ARL5A: variants seen among roughly 807,000 people sequenced by gnomAD.
ARL5A encodes the protein ARF like GTPase 5A, also known as ADP-ribosylation factor-like protein 5A.
In ARL5A, 18 loss-of-function variants were observed where a neutral mutation model predicts 25.9. That is an observed-to-expected ratio of 0.69 (90% CI 0.48 to 1.03). ARL5A has a LOEUF of 1.03. Among genes scored for constraint, ARL5A ranks in the 50% least tolerant of loss-of-function variants. The pLI is 0.00. For missense variants in ARL5A, 170 were observed against 211.9 expected, an observed-to-expected ratio of 0.80 and a Z score of 1.23; for synonymous variants, 61 against 67.5, an observed-to-expected ratio of 0.90 and a Z score of 0.47.
intron 3 of ARL5A, 136 bp from the exon 4 acceptor site, chr2:151,812,576 C>T (rs2099830975): frequency 1.9e-6 from 1 of 520,408 alleles, no homozygotes. Flanking sequence ...ATCAGAGCTA[C>T]CTATACATTG....
rs1364551535 is a variant in ARL5A, at chr2:151,828,166, A to G, written c.11T>C (p.Leu4Pro). 6.2e-7 allele frequency: 1 copy of G among 1,602,038 alleles called. No homozygotes were observed. Among genetic ancestry groups the G allele is most frequent in the Admixed American group, 1.7e-5 (1 of 58,610 alleles). ...GAACAGTCTCCATATTCTAGTGAAG[A>G]GAATTCCCATTCTCGGGCAGCGGAC... is the stretch of plus-strand genomic sequence containing the variant. MGI[L>P]FTRIWRLFNH... Residue 4 changes from leucine (L) to proline (P), a missense_variant, in exon 1 of 6, where the codon CTC (leucine) becomes CCC (proline). By Grantham distance (98) the Leu-to-Pro change is moderately conservative. Coordinates refer to ENST00000295087, the MANE Select transcript of ARL5A (RefSeq NM_012097.4).
rs144480206 is a variant in ARL5A at position 151,826,776 on chromosome 2, G to A, written c.46+1355C>T. On this transcript the variant is annotated intron_variant, in intron 1 of 5. Coordinates refer to ENST00000295087, the MANE Select transcript of ARL5A (RefSeq NM_012097.4). ...TAGACCAGAAAACCTGAGAGTTCAA[G>A]TGACTGCTTCCCACTCTCCTGCTCC... 6.8e-4 allele frequency among the ~76,000 whole-genome samples: 103 copies of A among 152,358 alleles called. 2 individuals are homozygous for A. In the East Asian group the frequency reaches 0.018, roughly 27 times the overall value.
At chr2:151,817,326 G>C (rs939334208) in intron 1 of ARL5A, among the ~76,000 whole-genome samples, 4 of 152,148 alleles carry the variant, frequency 2.6e-5, no homozygotes, top group Non-Finnish European at 5.9e-5. Context: ...CAACTGTATA[G>C]AATACATATT....
chr2:151,814,338 C>T (rs778471594), intron 2 of ARL5A, 22 bp from the exon 3 acceptor site: 4 of 1,460,368 alleles, frequency 2.7e-6, no homozygotes, highest in South Asian at 1.5e-5. Flanking sequence ...AGTTTATATA[C>T]ATTACAATTA....
At chr2:151,825,893 G>A (rs1331669919) in intron 1 of ARL5A, among the ~76,000 whole-genome samples, 5 of 151,790 alleles carry the variant, frequency 3.3e-5, no homozygotes, top group Non-Finnish European at 1.5e-5. Flanking sequence ...GGGAGCCCAA[G>A]GCGGGTGGAT....
At chr2:151,826,312 G>A (rs964035228) in intron 1 of ARL5A, among the ~76,000 whole-genome samples, 1 of 151,804 alleles carries the variant, frequency 6.6e-6, no homozygotes. Flanking sequence ...ATTAATTTCC[G>A]CCAAACTGCC....
In ARL5A at chr2:151,803,259, G is replaced by A. The variant is rs754668752; in HGVS notation, c.*17C>T. 1.2e-6 allele frequency: 2 copies of A among 1,600,820 alleles called. No individual in the cohort carries two copies. Among genetic ancestry groups the A allele is most frequent in the African/African-American group, 2.7e-5 (2 of 74,566 alleles). On this transcript the variant is annotated 3_prime_UTR_variant, in exon 6 of 6. Transcript: ENST00000295087. ...CACTTCATTTATACAAAATCTATGA[G>A]AAGAGGTCAGTAGAGATCATCTAAT...
At position 151,828,209 on chromosome 2, in the gene ARL5A, C is replaced by T; in HGVS notation, c.-33G>A. On this transcript the variant is annotated 5_prime_UTR_variant, in exon 1 of 6. Coordinates refer to ENST00000295087, the MANE Select transcript of ARL5A (RefSeq NM_012097.4). ...CAGCGGACCCCCCCCCTCCAGACAC[C>T]CGGGCCGCCTGGCTTCCCCCGGCTC... 1.2e-6 allele frequency: 2 copies of T among 1,603,584 alleles called. No individual in the cohort carries two copies. Among genetic ancestry groups the T allele is most frequent in the Non-Finnish European group, 1.7e-6 (2 of 1,174,218 alleles).
chr2:151,828,076 C>A, intron 1 of ARL5A, 55 bp downstream of exon 1: 1 of 1,583,272 alleles, frequency 6.3e-7, no homozygotes, highest in Non-Finnish European at 8.6e-7. Context: ...CCCCACCTAG[C>A]CGGCCCGAGC....
Position 151,814,249 on chromosome 2 carries a change from T to TAA in ARL5A, c.174_175insTT (p.Asn59LeufsTer6), listed in dbSNP as rs1166405926. The TAA allele has an allele frequency of 6.2e-7, 1 of 1,606,326 alleles. No individual in the cohort carries two copies. The highest frequency in any genetic ancestry group is 1.7e-5 in the Admixed American group (1 of 58,762). ...ATATCCCACATTAGGAAACGTGTAT[T>TAA]ATTAATCACTATCTCTTCTACATTA... On this transcript the variant is annotated frameshift_variant, in exon 3 of 6. Coordinates refer to ENST00000295087, the MANE Select transcript of ARL5A (RefSeq NM_012097.4). LOFTEE classifies it high-confidence loss of function.
chr2:151,814,368 T>C, intron 2 of ARL5A, 52 bp from the exon 3 acceptor site: 1 of 1,402,408 alleles, frequency 7.1e-7, no homozygotes, highest in Admixed American at 2.6e-5. Flanking sequence ...CTAACTTGCT[T>C]GAACAATTTT....
rs1037213974 is a variant in ARL5A at position 151,799,398 on chromosome 2, T to TA, written c.*3877dup. The TA allele has an allele frequency of 2.0e-5, 3 of 152,058 alleles. No individual in the cohort carries two copies. The highest frequency in any genetic ancestry group is 7.3e-5 in the African/African-American group (3 of 41,324). 9.4% of individuals were successfully genotyped at this position (152,058 alleles called of 1,614,324 possible). On this transcript the variant is annotated 3_prime_UTR_variant, in exon 6 of 6. Coordinates refer to ENST00000295087, the MANE Select transcript of ARL5A (RefSeq NM_012097.4). The stretch of plus-strand genomic sequence containing the variant: ...TGGGCAATAGTTTCAAGAATGCCCT[T>TA]AGATTATAGACTACATATAAATTTG...
At chr2:151,817,280 T>C (rs2099831638) in intron 1 of ARL5A, among the ~76,000 whole-genome samples, 1 of 152,236 alleles carries the variant, frequency 6.6e-6, no homozygotes. Flanking sequence ...CCTAATTATT[T>C]ACATGTGCAC....
chr2:151,820,681 A>AAAAAAAAAG (rs2099832180), intron 1 of ARL5A, among the ~76,000 whole-genome samples: 1 of 151,012 alleles, frequency 6.6e-6, no homozygotes, highest in Non-Finnish European at 1.5e-5. Context: ...AAAAAAAAAA[A>AAAAAAAAAG]AAAACAGAAT....
At chr2:151,818,499 A>G (rs1266552710) in intron 1 of ARL5A, among the ~76,000 whole-genome samples, 2 of 151,782 alleles carry the variant, frequency 1.3e-5, no homozygotes, top group Non-Finnish European at 2.9e-5. Context: ...CCGGTCTCAA[A>G]CTCCTGGGCT....
At chr2:151,820,660 C>CAAAAAAAAAA (rs71410438) in intron 1 of ARL5A, among the ~76,000 whole-genome samples, 21 of 45,078 alleles carry the variant, frequency 4.7e-4, no homozygotes, top group East Asian at 1.6e-3. Context: ...ATCCTGTCTC[C>CAAAAAAAAAA]AAAAAAAAAA....
chr2:151,818,191 A>C (rs1351367368), intron 1 of ARL5A, among the ~76,000 whole-genome samples: 7 of 152,258 alleles, frequency 4.6e-5, no homozygotes, highest in Non-Finnish European at 8.8e-5. Flanking sequence ...GATATGTTAC[A>C]TGATGGCTGA....
chr2:151,802,811 A>G lies in ARL5A; in HGVS notation c.*465T>C, dbSNP rs964980986. On this transcript the variant is annotated 3_prime_UTR_variant, in exon 6 of 6. Coordinates refer to ENST00000295087, the MANE Select transcript of ARL5A (RefSeq NM_012097.4). ...TAACTTGAACTTGAGGTATATACAC[A>G]ATACACACACAACCTTAAGCAAAAT... The G allele has an allele frequency of 6.5e-6, 1 of 154,692 alleles. No individual in the cohort carries two copies. The highest frequency in any genetic ancestry group is 2.4e-5 in the African/African-American group (1 of 41,478). The allele number at this position is 154,692 out of a possible 1,614,324, so 9.6% of individuals were successfully genotyped here.
At chr2:151,815,279 A>G in intron 1 of ARL5A, 80 bp from the exon 2 acceptor site, 1 of 1,126,116 alleles carries the variant, frequency 8.9e-7, no homozygotes, top group Non-Finnish European at 1.3e-6. Context: ...TATACTCTGT[A>G]TCTCACCCTT....
Sources: allele counts gnomAD v4.1 joint callset (sites outside exome capture counted in the v4.1 genomes callset), GRCh38; gene constraint gnomAD v4.1.1; transcripts MANE v1.5; gene names NCBI Gene and HGNC (gene_info 2026-07-23, HGNC 2026-07-21).